Variants in OVCH2 observed in about 807,000 individuals in gnomAD.
OVCH2 encodes the protein ovochymase 2, also known as ovochymase-2.
Under a neutral mutation model 73.7 loss-of-function variants are expected in OVCH2, and 88 were observed. The ratio of observed to expected loss-of-function variants is 1.19; its 90% CI spans 1.01 to 1.43. OVCH2 has a LOEUF of 1.43. OVCH2 is among the 40% of genes most tolerant of loss of function. OVCH2 has a pLI of 0.00. For synonymous variants in OVCH2, 265 were observed against 234.5 expected (o/e 1.13, Z -1.19); for missense variants, 706 against 674.5 (o/e 1.05, Z -0.52).
downstream of OVCH2, among the ~76,000 whole-genome samples, chr11:7,689,163 G>A (rs1856174087): frequency 1.3e-5 from 2 of 152,152 alleles, no homozygotes; most frequent in African/African-American, 4.8e-5. Flanking sequence ...TTGACTCTAG[G>A]TAAAGAAGAT....
chr11:7,700,278 G>A lies in OVCH2; in HGVS notation c.901+18C>T. 1 of 1,611,416 alleles carries A rather than the reference G, an allele frequency of 6.2e-7. No homozygotes were observed. Among genetic ancestry groups the A allele is most frequent in the Non-Finnish European group, 8.5e-7 (1 of 1,178,002 alleles). On this transcript the variant is annotated intron_variant, in intron 7 of 15. Coordinates refer to ENST00000533663, the MANE Select transcript of OVCH2 (RefSeq NM_198185.7). Reference sequence around the variant, plus strand: ...AGCAGAATGGCAGCTTCTTAACCTTGTGTGATGGCTTAGTTACCAGTTTGG... The same window carrying A: ...AGCAGAATGGCAGCTTCTTAACCTTATGTGATGGCTTAGTTACCAGTTTGG...
chr11:7,692,723 A>G (rs747837315), intron 12 of OVCH2, among the ~76,000 whole-genome samples: 2 of 152,210 alleles, frequency 1.3e-5, no homozygotes, highest in Non-Finnish European at 2.9e-5. Flanking sequence ...TTAAATGTAA[A>G]CCTCAGCAAA....
intron 7 of OVCH2, 51 bp downstream of exon 7, chr11:7,700,245 C>A: frequency 6.4e-7 from 1 of 1,570,738 alleles, no homozygotes; most frequent in South Asian, 1.2e-5. Flanking sequence ...GATGCTGTCT[C>A]TGGCCCTAGC....
At chr11:7,699,450 A>G (rs1046380021) in intron 7 of OVCH2, 1 of 152,426 alleles carries the variant, frequency 6.6e-6, no homozygotes, top group African/African-American at 2.4e-5. Flanking sequence ...GTCTTCCCCT[A>G]TGTAGCACTC....
Position 7,691,960 on chromosome 11 carries a change from T to C in OVCH2, c.1449A>G (p.Gly483=). Residue 483 remains glycine (G), a synonymous_variant, in exon 13 of 16, where the codon GGA becomes GGG. Coordinates refer to ENST00000533663, the MANE Select transcript of OVCH2 (RefSeq NM_198185.7). ...CTGTCACATAGTCGGAAGTGCAGTC[T>C]CCACTTTCTTCTATTTCCAGACTCT... is the stretch of plus-strand genomic sequence containing the variant. ...SFQSLEIEES[G]DCTSDYVTVH... The C allele has an allele frequency of 7.0e-6, 11 of 1,576,332 alleles. No homozygotes were observed. The highest frequency in any genetic ancestry group is 9.5e-6 in the Non-Finnish European group (11 of 1,159,382).
At chr11:7,705,821 C>G (rs555408317) in intron 1 of OVCH2, among the ~76,000 whole-genome samples, 121 of 152,254 alleles carry the variant, frequency 7.9e-4, no homozygotes, top group African/African-American at 2.9e-3. Flanking sequence ...AGGGTTGGCA[C>G]AAGTCTGACC....
At chr11:7,680,590 G>A in the OVCH2 span, among the ~76,000 whole-genome samples, 40,070 of 151,944 alleles carry the variant, frequency 0.26, 6,127 homozygotes, top group African/African-American at 0.42. Context: ...AAGATGGGGG[G>A]AGGGGCCACC....
At chr11:7,704,461 C>A in intron 2 of OVCH2, 104 bp downstream of exon 2, 1 of 733,070 alleles carries the variant, frequency 1.4e-6, no homozygotes, top group South Asian at 2.2e-5. Flanking sequence ...TCTTTCAACC[C>A]AACTAGGCTG....
intron 1 of OVCH2, chr11:7,705,685 A>G (rs1031808119): frequency 1.3e-4 from 20 of 152,278 alleles, no homozygotes; most frequent in African/African-American, 4.8e-4. Context: ...ACCCAGTGCC[A>G]GGATGACATT....
intron 8 of OVCH2, among the ~76,000 whole-genome samples, chr11:7,698,396 C>T (rs1172190924): frequency 2.0e-5 from 3 of 152,172 alleles, no homozygotes; most frequent in Non-Finnish European, 2.9e-5. Context: ...ATCGCAGGAT[C>T]GCAATGGAAC....
chr11:7,696,308 T>G (rs1211726837), intron 10 of OVCH2, among the ~76,000 whole-genome samples, 157 bp downstream of exon 10: 1 of 152,142 alleles, frequency 6.6e-6, no homozygotes, highest in Non-Finnish European at 1.5e-5. Flanking sequence ...TCACCCAGGC[T>G]CAGATTTGGT....
At chr11:7,687,568 T>TATC (rs1856156522), downstream of OVCH2, among the ~76,000 whole-genome samples, 1 of 151,764 alleles carries the variant, frequency 6.6e-6, no homozygotes, top group Non-Finnish European at 1.5e-5. Context: ...ATTCACTCTC[T>TATC]ATCTTTAGCA....
intron 8 of OVCH2, among the ~76,000 whole-genome samples, chr11:7,698,438 A>G (rs4512807): frequency 0.92 from 140,402 of 152,210 alleles, 65,586 homozygotes; most frequent in East Asian, 0.99. Flanking sequence ...AAGTAGGGAC[A>G]CTTTCAGGGC....
At chr11:7,694,943 T>C (rs1856298698) in intron 12 of OVCH2, 115 bp downstream of exon 12, 1 of 1,246,656 alleles carries the variant, frequency 8.0e-7, no homozygotes, top group African/African-American at 1.5e-5. Context: ...TGCTGGGTTC[T>C]AGGTACTGAA....
intron 14 of OVCH2, among the ~76,000 whole-genome samples, chr11:7,690,522 T>C (rs200700436): frequency 0.014 from 2,145 of 151,396 alleles, 41 homozygotes; most frequent in South Asian, 0.06. Flanking sequence ...GCCATCAGGA[T>C]TCAGACATAC....
At chr11:7,703,116 A>T (rs900192924) in intron 3 of OVCH2, among the ~76,000 whole-genome samples, 3 of 152,238 alleles carry the variant, frequency 2.0e-5, no homozygotes, top group African/African-American at 7.2e-5. Context: ...AACATCCAGG[A>T]AATGTTTGCA....
intron 1 of OVCH2, chr11:7,705,472 C>T (rs1856513961): frequency 6.6e-6 from 1 of 152,180 alleles, no homozygotes; most frequent in African/African-American, 2.4e-5. Context: ...TTCTTGAGAA[C>T]ACATCCTTAA....
chr11:7,697,756 T>C (rs1366093274), intron 8 of OVCH2, among the ~76,000 whole-genome samples: 1 of 152,194 alleles, frequency 6.6e-6, no homozygotes, highest in Non-Finnish European at 1.5e-5. Context: ...TTGCCTTGGT[T>C]CAAACCTTCA....
intron 14 of OVCH2, 73 bp downstream of exon 14, chr11:7,691,196 C>T: frequency 6.6e-7 from 1 of 1,512,992 alleles, no homozygotes; most frequent in Non-Finnish European, 9.0e-7. Context: ...CTGTGTTGGG[C>T]TCTAAAGACC....
Sources: allele counts gnomAD v4.1 joint callset (sites outside exome capture counted in the v4.1 genomes callset), GRCh38; gene constraint gnomAD v4.1.1; transcripts MANE v1.5; gene names NCBI Gene and HGNC (gene_info 2026-07-23, HGNC 2026-07-21).